The following CD8B2 variants were observed in gnomAD, a reference collection of about 807,000 sequenced individuals.
CD8B2 encodes T-cell surface glycoprotein CD8 beta-2 chain.
A neutral mutation model predicts 23.7 loss-of-function variants in CD8B2; 11 were observed. The observed-to-expected ratio is 0.46, with a 90% CI of 0.29 to 0.77. The LOEUF is 0.77. Ranked by LOEUF, CD8B2 falls within the 30% of genes least tolerant of loss-of-function variation. CD8B2 has a pLI of 0.09. For synonymous variants in CD8B2, 90 were observed against 109.3 expected, an observed-to-expected ratio of 0.82 and a Z score of 1.10; for missense variants, 197 against 270.5, an observed-to-expected ratio of 0.73 and a Z score of 1.91.
At chr2:106,496,057 G>A (rs538703717) in intron 2 of CD8B2, 116 bp from the exon 3 acceptor site, 31 of 1,515,040 alleles carry the variant, frequency 2.0e-5, no homozygotes, top group East Asian at 1.5e-4. Flanking sequence ...CTTGGCCTCC[G>A]GAAGTGTTGG....
At chr2:106,514,918 C>G (rs1447176523), downstream of CD8B2, among the ~76,000 whole-genome samples, 2 of 152,212 alleles carry the variant, frequency 1.3e-5, no homozygotes, top group African/African-American at 4.8e-5. Flanking sequence ...ATACAAATGT[C>G]ACTGAGTGAG....
intron 5 of CD8B2, among the ~76,000 whole-genome samples, chr2:106,519,648 G>A (rs1679791728): frequency 6.6e-6 from 1 of 152,174 alleles, no homozygotes; most frequent in Admixed American, 6.5e-5. Context: ...GGCCCAGAGA[G>A]CAGAAGTGCT....
intron 5 of CD8B2, among the ~76,000 whole-genome samples, chr2:106,517,584 C>T (rs1299542088): frequency 1.3e-5 from 2 of 152,194 alleles, no homozygotes; most frequent in African/African-American, 4.8e-5. Flanking sequence ...AGAGCCCCGT[C>T]AGCCTCCCTT....
At chr2:106,536,643 G>A (rs1030396710) in intron 5 of CD8B2, among the ~76,000 whole-genome samples, 6 of 152,200 alleles carry the variant, frequency 3.9e-5, no homozygotes, top group Non-Finnish European at 7.3e-5. Flanking sequence ...GGGTGAAACT[G>A]AGAAGCATAT....
At chr2:106,497,021 T>C (rs1489695536) in intron 3 of CD8B2, among the ~76,000 whole-genome samples, 1 of 152,200 alleles carries the variant, frequency 6.6e-6, no homozygotes, top group Non-Finnish European at 1.5e-5. Flanking sequence ...ACACCTGTAA[T>C]CCCAGCACTT....
At chr2:106,499,771 C>T (rs977508995) in intron 3 of CD8B2, among the ~76,000 whole-genome samples, 6 of 149,436 alleles carry the variant, frequency 4.0e-5, no homozygotes, top group African/African-American at 1.2e-4. Flanking sequence ...GCAGATTTGC[C>T]TCCCCAGGGC....
At chr2:106,537,082 C>G (rs1452095572) in intron 5 of CD8B2, among the ~76,000 whole-genome samples, 2 of 152,170 alleles carry the variant, frequency 1.3e-5, no homozygotes, top group Non-Finnish European at 2.9e-5. Flanking sequence ...CAAATCTGGT[C>G]TTCGTCACCA....
intron 5 of CD8B2, among the ~76,000 whole-genome samples, chr2:106,528,314 T>C (rs547288790): frequency 2.0e-5 from 3 of 152,326 alleles, no homozygotes; most frequent in African/African-American, 7.2e-5. Context: ...TAAACCAAGA[T>C]AGTGAAGATC....
intron 3 of CD8B2, among the ~76,000 whole-genome samples, chr2:106,497,738 A>G (rs1679326788): frequency 6.6e-6 from 1 of 152,226 alleles, no homozygotes; most frequent in African/African-American, 2.4e-5. Flanking sequence ...ACAGAAGAGT[A>G]AAGTCTTAAG....
chr2:106,507,113 C>T lies in CD8B2; in HGVS notation c.*173C>T. Reference sequence around the variant, plus strand: ...CTGTGTGTGACGTGCATGGGAGCAACTTGTTTGTGGGTCATCGGGAATACT... The same window carrying T: ...CTGTGTGTGACGTGCATGGGAGCAATTTGTTTGTGGGTCATCGGGAATACT... On this transcript the variant is annotated 3_prime_UTR_variant, in exon 6 of 6. Coordinates refer to ENST00000643224, the MANE Select transcript of CD8B2 (RefSeq NM_001349727.2). The T allele has an allele frequency of 6.7e-6, 10 of 1,496,776 alleles. No homozygotes were observed. The highest frequency in any genetic ancestry group is 8.9e-6 in the Non-Finnish European group (10 of 1,123,540). The allele number at this position is 1,496,776 out of a possible 1,614,324, so 92.7% of individuals were successfully genotyped here.
At chr2:106,497,260 C>A (rs1338198140) in intron 3 of CD8B2, among the ~76,000 whole-genome samples, 1 of 152,156 alleles carries the variant, frequency 6.6e-6, no homozygotes, top group Non-Finnish European at 1.5e-5. Context: ...GTGATAGAGC[C>A]AGGCCCTCTC....
intron 5 of CD8B2, among the ~76,000 whole-genome samples, chr2:106,529,798 G>A: frequency 6.6e-6 from 1 of 152,142 alleles, no homozygotes; most frequent in East Asian, 1.9e-4. Context: ...CACTGGCTGG[G>A]GTGGGTGATC....
chr2:106,492,542 G>A (rs1679215280), intron 2 of CD8B2, among the ~76,000 whole-genome samples: 2 of 152,190 alleles, frequency 1.3e-5, no homozygotes, highest in Admixed American at 1.3e-4. Context: ...AGCACCTGTG[G>A]CATATTGGAC....
At chr2:106,530,157 A>G (rs1195126570) in intron 5 of CD8B2, among the ~76,000 whole-genome samples, 1 of 152,200 alleles carries the variant, frequency 6.6e-6, no homozygotes, top group East Asian at 1.9e-4. Flanking sequence ...TATAAAGTGC[A>G]CATTTCAGTA....
intron 2 of CD8B2, among the ~76,000 whole-genome samples, chr2:106,491,768 C>T (rs1212338737): frequency 5.9e-5 from 9 of 152,148 alleles, no homozygotes; most frequent in Non-Finnish European, 8.8e-5. Context: ...AGGTGGGTCT[C>T]GAACTCCTGA....
chr2:106,524,907 G>A (rs574620114), intron 5 of CD8B2, among the ~76,000 whole-genome samples: 40 of 152,192 alleles, frequency 2.6e-4, no homozygotes, highest in Admixed American at 5.9e-4. Context: ...CCTCCCATAC[G>A]CAGCCAGGAC....
At chr2:106,522,422 A>T (rs1679841196) in intron 5 of CD8B2, among the ~76,000 whole-genome samples, 1 of 152,226 alleles carries the variant, frequency 6.6e-6, no homozygotes, top group Non-Finnish European at 1.5e-5. Flanking sequence ...ATAAGTCACC[A>T]ATTAAATCAC....
chr2:106,488,191 G>C (rs571447505), intron 1 of CD8B2, among the ~76,000 whole-genome samples: 146 of 151,950 alleles, frequency 9.6e-4, no homozygotes, highest in African/African-American at 3.4e-3. Flanking sequence ...ATCTTGCCAG[G>C]GGGTGACAAG....
intron 5 of CD8B2, among the ~76,000 whole-genome samples, chr2:106,522,397 A>G (rs1026351609): frequency 6.6e-6 from 1 of 152,228 alleles, no homozygotes; most frequent in Non-Finnish European, 1.5e-5. Flanking sequence ...AATATATGTT[A>G]AATTTTTGTG....
Sources: gnomAD v4.1 joint callset for allele counts (sites outside exome capture counted in the v4.1 genomes callset) on GRCh38, gnomAD v4.1.1 for gene constraint, MANE v1.5 for transcripts, NCBI Gene and HGNC (gene_info 2026-07-23, HGNC 2026-07-21) for gene names.